UNC13C: variants seen among roughly 807,000 people sequenced by gnomAD.
UNC13C encodes the protein protein unc-13 homolog C.
UNC13C carries 174 observed loss-of-function variants against 245.4 expected under a neutral mutation model. The ratio of observed to expected loss-of-function variants is 0.71; its 90% CI spans 0.63 to 0.80. The LOEUF is 0.80. UNC13C is among the 30% of genes least tolerant of loss of function. The probability of loss-of-function intolerance (pLI) is 0.00; values close to 1 mark genes in which losing one functional copy is unlikely to be tolerated. For synonymous variants in UNC13C, 992 were observed against 895.1 expected, an observed-to-expected ratio of 1.11 and a Z score of -1.93; for missense variants, 2,829 against 2,602.9, an observed-to-expected ratio of 1.09 and a Z score of -1.89.
intron 4 of UNC13C, among the ~76,000 whole-genome samples, chr15:54,208,838 T>C (rs913698820): frequency 6.6e-6 from 1 of 152,144 alleles, no homozygotes; most frequent in African/African-American, 2.4e-5. Context: ...TTTTTAGTTC[T>C]CTCACTTATA....
At chr15:54,632,356 A>C (rs1255515768), downstream of UNC13C, 1 of 152,070 alleles carries the variant, frequency 6.6e-6, no homozygotes, top group Non-Finnish European at 1.5e-5. Flanking sequence ...TGATGAAATC[A>C]TTTTTTCTCT....
chr15:54,610,073 T>C (rs1288791738), intron 30 of UNC13C, among the ~76,000 whole-genome samples: 2 of 152,014 alleles, frequency 1.3e-5, no homozygotes, highest in Non-Finnish European at 2.9e-5. Flanking sequence ...GAGATTTGGG[T>C]GGGGACACAG....
At chr15:54,367,888 C>T (rs1310295329) in intron 17 of UNC13C, among the ~76,000 whole-genome samples, 2 of 152,116 alleles carry the variant, frequency 1.3e-5, no homozygotes, top group African/African-American at 2.4e-5. Context: ...GAAGTTTGTA[C>T]TTTATTTACG....
At chr15:54,279,428 A>C (rs2036920109) in intron 10 of UNC13C, among the ~76,000 whole-genome samples, 1 of 152,138 alleles carries the variant, frequency 6.6e-6, no homozygotes, top group Admixed American at 6.6e-5. Context: ...TGTATTGCTC[A>C]TGTTTGGGAT....
chr15:54,180,804 T>C (rs1221373580), intron 4 of UNC13C, among the ~76,000 whole-genome samples: 2 of 152,054 alleles, frequency 1.3e-5, no homozygotes, highest in Non-Finnish European at 2.9e-5. Context: ...TTGAGAATGG[T>C]CTGCTCGTAT....
chr15:54,110,184 G>A lies in UNC13C; in HGVS notation c.2984-32834G>A, dbSNP rs182495909. ...AATCATAGCTACTCAGGAGGCTGAG[G>A]CATGAGAATTGCATGAACCCAGGAG... On this transcript the variant is annotated intron_variant, in intron 2 of 32. Coordinates refer to ENST00000260323, the MANE Select transcript of UNC13C (RefSeq NM_001080534.3). Among the ~76,000 whole-genome samples, 29 of 152,046 alleles carry A rather than the reference G, an allele frequency of 1.9e-4. No individual in the cohort carries two copies. In the East Asian group the frequency reaches 4.7e-3, roughly 24 times the overall value.
chr15:54,224,534 A>T (rs1481646472), intron 4 of UNC13C, among the ~76,000 whole-genome samples: 2 of 152,106 alleles, frequency 1.3e-5, no homozygotes, highest in East Asian at 3.9e-4. Context: ...TCGGTTTGCT[A>T]GTATTTTGTT....
chr15:54,446,463 A>G (rs1359687778), intron 19 of UNC13C, among the ~76,000 whole-genome samples: 3 of 152,014 alleles, frequency 2.0e-5, no homozygotes, highest in Non-Finnish European at 4.4e-5. Flanking sequence ...GTCCTCTTTT[A>G]TTTCGTTGAA....
At chr15:54,262,606 G>A (rs12911506) in intron 8 of UNC13C, among the ~76,000 whole-genome samples, 41,944 of 151,814 alleles carry the variant, frequency 0.28, 6,036 homozygotes, top group African/African-American at 0.34. Flanking sequence ...GCTATTCTAG[G>A]GACATGTTTC....
At chr15:53,861,850 G>C in the UNC13C span, among the ~76,000 whole-genome samples, 18,029 of 152,032 alleles carry the variant, frequency 0.12, 1,120 homozygotes, top group Non-Finnish European at 0.14. Flanking sequence ...CTTGTCTCTT[G>C]TTTTGTATTA....
intron 2 of UNC13C, among the ~76,000 whole-genome samples, chr15:54,117,733 A>T (rs1156946459): frequency 6.6e-6 from 1 of 152,020 alleles, no homozygotes; most frequent in South Asian, 2.1e-4. Flanking sequence ...GGCACATGCC[A>T]CTAGTGCAGC....
intron 19 of UNC13C, among the ~76,000 whole-genome samples, chr15:54,420,584 C>G (rs2040620084): frequency 6.6e-6 from 1 of 151,600 alleles, no homozygotes; most frequent in African/African-American, 2.4e-5. Flanking sequence ...TTAGTATTTG[C>G]CTTTCTGATC....
intron 8 of UNC13C, among the ~76,000 whole-genome samples, chr15:54,255,817 C>T (rs541293589): frequency 2.0e-5 from 3 of 152,266 alleles, no homozygotes; most frequent in East Asian, 1.9e-4. Flanking sequence ...CCTTCCATAT[C>T]GCTACCACCT....
intron 25 of UNC13C, among the ~76,000 whole-genome samples, chr15:54,532,700 C>A (rs1298404804): frequency 6.6e-6 from 1 of 152,162 alleles, no homozygotes; most frequent in Non-Finnish European, 1.5e-5. Flanking sequence ...CAAATTAATT[C>A]AACCTGAAGA....
At chr15:54,347,194 A>T (rs28693603) in intron 17 of UNC13C, among the ~76,000 whole-genome samples, 39,062 of 152,042 alleles carry the variant, frequency 0.26, 5,115 homozygotes, top group Middle Eastern at 0.31. Flanking sequence ...TTTTAAAAGA[A>T]TTATGCTGAG....
intron 4 of UNC13C, among the ~76,000 whole-genome samples, chr15:54,226,616 G>C (rs763575267): frequency 8.5e-5 from 13 of 152,198 alleles, no homozygotes; most frequent in Non-Finnish European, 1.8e-4. Context: ...ACCAGCCAAG[G>C]ACAAGCCAGG....
chr15:54,209,504 C>T (rs1301079251), intron 4 of UNC13C, among the ~76,000 whole-genome samples: 1 of 151,942 alleles, frequency 6.6e-6, no homozygotes, highest in African/African-American at 2.4e-5. Flanking sequence ...ACTGGAACAC[C>T]CAGGCTCAGA....
chr15:53,913,911 G>A, the UNC13C span: 1 of 152,240 alleles, frequency 6.6e-6, no homozygotes, highest in African/African-American at 2.4e-5. Flanking sequence ...AAAACCAGGT[G>A]TAGGCAAAGT....
intron 4 of UNC13C, among the ~76,000 whole-genome samples, chr15:54,185,423 A>C (rs1252690531): frequency 1.3e-5 from 2 of 150,274 alleles, no homozygotes; most frequent in South Asian, 2.1e-4. Flanking sequence ...TTAAGTCTTT[A>C]ATCCATCTTG....
Sources: allele counts gnomAD v4.1 joint callset (sites outside exome capture counted in the v4.1 genomes callset), GRCh38; gene constraint gnomAD v4.1.1; transcripts MANE v1.5; gene names NCBI Gene and HGNC (gene_info 2026-07-23, HGNC 2026-07-21).